The following LINGO2 variants were observed in gnomAD, a reference collection of about 807,000 sequenced individuals.
The protein encoded by LINGO2 is leucine-rich repeat and immunoglobulin-like domain-containing nogo receptor-interacting protein 2.
A neutral mutation model predicts 30.6 loss-of-function variants in LINGO2; 14 were observed. The ratio of observed to expected loss-of-function variants is 0.46; its 90% confidence interval spans 0.30 to 0.72. LINGO2 has a LOEUF of 0.72. Ranked by LOEUF, LINGO2 falls within the 30% of genes least tolerant of loss-of-function variation. The probability of loss-of-function intolerance (pLI) is 0.07; values close to 1 mark genes in which losing one functional copy is unlikely to be tolerated. For missense variants in LINGO2, 729 were observed against 751.7 expected (o/e 0.97, Z 0.35); for synonymous variants, 317 against 288.5 (o/e 1.10, Z -1.00).
chr9:28,075,389 T>C (rs1825593916), intron 4 of LINGO2, among the ~76,000 whole-genome samples: 1 of 151,996 alleles, frequency 6.6e-6, no homozygotes, highest in Non-Finnish European at 1.5e-5. Context: ...CCAGTTTTTA[T>C]GATTATAATT....
chr9:28,887,259 G>GA, the LINGO2 span, among the ~76,000 whole-genome samples: 4 of 152,060 alleles, frequency 2.6e-5, no homozygotes, highest in Non-Finnish European at 4.4e-5. Flanking sequence ...CTACATGTGG[G>GA]AAAAAAATTG....
intron 1 of LINGO2, among the ~76,000 whole-genome samples, chr9:28,641,754 C>A (rs1827595256): frequency 6.6e-6 from 1 of 152,098 alleles, no homozygotes; most frequent in South Asian, 2.1e-4. Context: ...GGGCAAGACA[C>A]AGTGATGTGC....
At chr9:28,028,858 TACAG>T (rs1823519906) in intron 4 of LINGO2, among the ~76,000 whole-genome samples, 1 of 152,132 alleles carries the variant, frequency 6.6e-6, no homozygotes, top group African/African-American at 2.4e-5. Flanking sequence ...TATATAAGTA[TACAG>T]ACACACACAA....
At chr9:28,500,699 G>A (rs763586108) in intron 1 of LINGO2, among the ~76,000 whole-genome samples, 8 of 152,022 alleles carry the variant, frequency 5.3e-5, no homozygotes, top group Admixed American at 2.0e-4. Context: ...GTATAATAGA[G>A]ATCATGGAAG....
At chr9:28,023,633 CAG>C (rs1823240788) in intron 4 of LINGO2, among the ~76,000 whole-genome samples, 1 of 152,180 alleles carries the variant, frequency 6.6e-6, no homozygotes, top group Non-Finnish European at 1.5e-5. Context: ...ATGCTGAAGT[CAG>C]AGAAATATAT....
chr9:28,215,134 A>G (rs1820719736), intron 4 of LINGO2, among the ~76,000 whole-genome samples: 1 of 151,768 alleles, frequency 6.6e-6, no homozygotes. Flanking sequence ...TATCAGGGCC[A>G]GGACGCTACC....
intron 1 of LINGO2, among the ~76,000 whole-genome samples, chr9:28,496,205 T>C (rs1819619810): frequency 6.6e-6 from 1 of 152,160 alleles, no homozygotes; most frequent in South Asian, 2.1e-4. Flanking sequence ...GTTCAATTCC[T>C]GGATATCCTT....
intron 4 of LINGO2, among the ~76,000 whole-genome samples, chr9:28,170,000 A>G (rs1828536905): frequency 6.6e-6 from 1 of 152,210 alleles, no homozygotes; most frequent in African/African-American, 2.4e-5. Flanking sequence ...TTTTAAAATT[A>G]TCACTGTTGC....
the LINGO2 span, among the ~76,000 whole-genome samples, chr9:28,834,610 A>C: frequency 1.3e-5 from 2 of 152,282 alleles, no homozygotes; most frequent in South Asian, 4.1e-4. Flanking sequence ...TGAGCAGACA[A>C]AAATGCTTTC....
chr9:28,213,904 G>A (rs1445290477), intron 4 of LINGO2, among the ~76,000 whole-genome samples: 2 of 151,450 alleles, frequency 1.3e-5, no homozygotes, highest in African/African-American at 2.4e-5. Context: ...AAAGTACGCA[G>A]TGTTCCCTAA....
chr9:28,789,766 T>C, the LINGO2 span, among the ~76,000 whole-genome samples: 1 of 152,186 alleles, frequency 6.6e-6, no homozygotes, highest in South Asian at 2.1e-4. Context: ...TCCATGTTCC[T>C]TGAAATATTC....
chr9:28,169,396 CA>C (rs1170621177), intron 4 of LINGO2, among the ~76,000 whole-genome samples: 3 of 151,992 alleles, frequency 2.0e-5, no homozygotes, highest in Admixed American at 2.0e-4. Context: ...CCAGAATTTC[CA>C]ATCAGAATAA....
the LINGO2 span, among the ~76,000 whole-genome samples, chr9:28,892,713 T>C: frequency 2.6e-5 from 4 of 152,132 alleles, no homozygotes; most frequent in East Asian, 5.8e-4. Context: ...GACTTTAATT[T>C]TGTCAGATAC....
At chr9:28,901,386 T>C in the LINGO2 span, among the ~76,000 whole-genome samples, 3 of 152,096 alleles carry the variant, frequency 2.0e-5, no homozygotes, top group African/African-American at 7.2e-5. Context: ...TAAAACTCAC[T>C]GGTAAAAGTA....
At chr9:28,407,870 GTCT>G (rs1822578131) in intron 2 of LINGO2, among the ~76,000 whole-genome samples, 1 of 152,008 alleles carries the variant, frequency 6.6e-6, no homozygotes, top group Admixed American at 6.6e-5. Context: ...CCCCAATGAA[GTCT>G]TCTTTGTTGG....
the LINGO2 span, among the ~76,000 whole-genome samples, chr9:28,824,685 C>T: frequency 1.3e-5 from 2 of 152,120 alleles, no homozygotes; most frequent in South Asian, 2.1e-4. Context: ...ACATGCATAC[C>T]ATGCCTTTCC....
At chr9:29,185,300 T>A in the LINGO2 span, among the ~76,000 whole-genome samples, 1,938 of 152,148 alleles carry the variant, frequency 0.013, 17 homozygotes, top group Middle Eastern at 0.024. Context: ...ACAAAGTAAG[T>A]CTCAAGGGGT....
chr9:28,606,508 C>G (rs1190753660), intron 1 of LINGO2, among the ~76,000 whole-genome samples: 1 of 151,980 alleles, frequency 6.6e-6, no homozygotes. Flanking sequence ...CACTTTTTAA[C>G]TATGCCAAGT....
At chr9:29,041,490 T>G in the LINGO2 span, among the ~76,000 whole-genome samples, 1 of 152,092 alleles carries the variant, frequency 6.6e-6, no homozygotes, top group Admixed American at 6.6e-5. Context: ...AAATATAGAC[T>G]TATACATCAA....
Sources: allele counts gnomAD v4.1 joint callset (sites outside exome capture counted in the v4.1 genomes callset), GRCh38; gene constraint gnomAD v4.1.1; transcripts MANE v1.5; gene names NCBI Gene and HGNC (gene_info 2026-07-23, HGNC 2026-07-21).